The following MTA1 variants were observed in gnomAD, a reference collection of about 807,000 sequenced individuals.
MTA1 encodes the protein metastasis-associated protein MTA1.
MTA1 carries 15 observed loss-of-function variants against 97.0 expected under a neutral mutation model. The observed-to-expected ratio is 0.15, with a 90% CI of 0.10 to 0.24. MTA1 has a LOEUF of 0.24. Among genes scored for constraint, MTA1 ranks in the 10% least tolerant of loss-of-function variants. MTA1 has a pLI of 1.00. For missense variants in MTA1, 709 were observed against 1,015.1 expected (o/e 0.70, Z 4.10); for synonymous variants, 435 against 417.5 (o/e 1.04, Z -0.51).
chr14:105,446,041 C>T (rs1339309285), intron 3 of MTA1, among the ~76,000 whole-genome samples: 1 of 152,190 alleles, frequency 6.6e-6, no homozygotes, highest in African/African-American at 2.4e-5. Context: ...GAGGAAGCCA[C>T]TGGCTGCATG....
chr14:105,438,556 C>T, intron 1 of MTA1, 116 bp from the exon 2 acceptor site: 2 of 853,962 alleles, frequency 2.3e-6, no homozygotes, highest in Non-Finnish European at 3.9e-6. Context: ...CCTGAGGGAG[C>T]AGAGGTGAGG....
Position 105,466,731 on chromosome 14 carries a change from T to C in MTA1, c.1802T>C (p.Met601Thr). The C allele has an allele frequency of 6.3e-7, 1 of 1,594,586 alleles. No homozygotes were observed. The highest frequency in any genetic ancestry group is 1.1e-5 in the South Asian group (1 of 88,014). Reference sequence around the variant, plus strand: ...GGCAACATGAAGAAGCGCCTCTTGATGCCCAGTAGGGGTAAGGCCTGGAGC... The same window carrying C: ...GGCAACATGAAGAAGCGCCTCTTGACGCCCAGTAGGGGTAAGGCCTGGAGC... ...VDGNMKKRLLMPSRGLANHGQ... is the reference protein window; with the variant it reads ...VDGNMKKRLLTPSRGLANHGQ... The change falls in exon 18 of 21, where the codon ATG becomes ACG. Residue 601 changes from methionine (M) to threonine (T), a missense_variant. Met to Thr is a moderately conservative substitution (Grantham distance 81). Transcript: ENST00000331320.
Position 105,470,429 on chromosome 14 carries a change from G to GTT in MTA1, c.*216_*217dup, listed in dbSNP as rs2083794074. 1 of 494,354 alleles carries GTT rather than the reference G, an allele frequency of 2.0e-6. No homozygotes were observed. The highest frequency in any genetic ancestry group is 4.0e-5 in the East Asian group (1 of 24,880). 30.6% of individuals were successfully genotyped at this position (494,354 alleles called of 1,614,324 possible). A position where few individuals can be genotyped will look rare whatever the true frequency, so the allele number is the denominator to read the frequency against. On this transcript the variant is annotated 3_prime_UTR_variant, in exon 21 of 21. Coordinates refer to ENST00000331320, the MANE Select transcript of MTA1 (RefSeq NM_004689.4). ...GAGGAGTTGTCGTTTTTAGCTTTGT[G>GTT]TTTACTTTTTGGCTGGAGCGGAGAT...
In MTA1 at chr14:105,420,363, CG is replaced by C. The variant is rs1225191410; in HGVS notation, c.28+305del. Among the ~76,000 whole-genome samples, 1 of 151,618 alleles carries C rather than the reference CG, an allele frequency of 6.6e-6. No individual in the cohort carries two copies. Among genetic ancestry groups the C allele is most frequent in the Non-Finnish European group, 1.5e-5 (1 of 67,818 alleles). On this transcript the variant is annotated intron_variant, in intron 1 of 20. Transcript: ENST00000331320. This position sits in a 1 kb window ranked among gnomAD's most constrained non-coding sequence, Gnocchi z 5.3. ...GGGGGCGCGGGGCCTGCGGGACATC[CG>C]GGGGTCCGGGGCCGGGAGCCCCCAG...
chr14:105,451,785 T>C (rs1555428763), intron 6 of MTA1, among the ~76,000 whole-genome samples: 4 of 23,506 alleles, frequency 1.7e-4, no homozygotes, highest in Admixed American at 8.4e-4. Context: ...CTTTTTTTGT[T>C]TTTTTTTTTT....
intron 2 of MTA1, among the ~76,000 whole-genome samples, chr14:105,442,050 A>C (rs1349788253): frequency 2.6e-5 from 4 of 152,226 alleles, no homozygotes; most frequent in African/African-American, 4.8e-5. Context: ...GAGAGAAAAA[A>C]ATCAGACATC....
In MTA1 at chr14:105,464,820, G is replaced by T; in HGVS notation, c.1491G>T (p.Arg497=). The T allele has an allele frequency of 1.9e-6, 3 of 1,598,880 alleles. No homozygotes were observed. The highest frequency in any genetic ancestry group is 1.7e-6 in the Non-Finnish European group (2 of 1,170,002). ...REILRPWHAA[R]HPYLPINSAA... ...TCCTGCGCCCGTGGCACGCTGCGCG[G>T]CACCCCTACCTGCCCATCAACAGCG... The change falls in exon 15 of 21, where the codon CGG becomes CGT. Residue 497 remains arginine, a synonymous_variant. Transcript: ENST00000331320.
At chr14:105,449,943 A>G in intron 4 of MTA1, 115 bp from the exon 5 acceptor site, 1 of 1,434,568 alleles carries the variant, frequency 7.0e-7, no homozygotes, top group Non-Finnish European at 9.6e-7. Context: ...AGGAGGAGGC[A>G]CGCCTCCCAG....
At chr14:105,439,570 G>C (rs2082440605) in intron 2 of MTA1, among the ~76,000 whole-genome samples, 2 of 152,160 alleles carry the variant, frequency 1.3e-5, no homozygotes, top group Non-Finnish European at 1.5e-5. Context: ...GTGGTGGGTG[G>C]GTCCCCCAGC....
intron 10 of MTA1, 99 bp downstream of exon 10, chr14:105,461,052 G>A: frequency 3.2e-6 from 4 of 1,264,556 alleles, no homozygotes; most frequent in Non-Finnish European, 4.4e-6. Context: ...CCCTGAGGGA[G>A]CCTGTCCTGC....
At chr14:105,427,597 T>C (rs960069691) in intron 1 of MTA1, among the ~76,000 whole-genome samples, 2 of 152,224 alleles carry the variant, frequency 1.3e-5, no homozygotes, top group African/African-American at 2.4e-5. Context: ...CAGAGGCTCG[T>C]AGGAACCTGA....
intron 1 of MTA1, among the ~76,000 whole-genome samples, chr14:105,437,234 GGC>G (rs1555424566): frequency 6.6e-6 from 1 of 151,130 alleles, no homozygotes; most frequent in Non-Finnish European, 1.5e-5. Flanking sequence ...TGTCCTCACG[GGC>G]GTGTGCCTGC....
chr14:105,436,675 A>G (rs2082334148), intron 1 of MTA1, among the ~76,000 whole-genome samples: 2 of 152,100 alleles, frequency 1.3e-5, no homozygotes, highest in African/African-American at 4.8e-5. Flanking sequence ...TCTTCCATCA[A>G]GTGGATGGAC....
At chr14:105,466,919 AC>A in intron 18 of MTA1, 177 bp downstream of exon 18, 7 of 656,690 alleles carry the variant, frequency 1.1e-5, no homozygotes, top group South Asian at 2.0e-5. Flanking sequence ...CTTGGTGAAG[AC>A]CCCCCGAGCC....
intron 7 of MTA1, among the ~76,000 whole-genome samples, chr14:105,455,307 G>A (rs2083100890): frequency 6.6e-6 from 1 of 152,208 alleles, no homozygotes; most frequent in Non-Finnish European, 1.5e-5. Flanking sequence ...AGGCCTGCTG[G>A]GGCCGTGGAG....
chr14:105,464,795 T>C lies in MTA1; in HGVS notation c.1466T>C (p.Ile489Thr). ...TRIARRLCRE[I>T]LRPWHAARHP... ...ATCGCCCGGCGCCTGTGCCGTGAGATCCTGCGCCCGTGGCACGCTGCGCGG... is the reference window on the plus strand; with the variant it reads ...ATCGCCCGGCGCCTGTGCCGTGAGACCCTGCGCCCGTGGCACGCTGCGCGG... The change falls in exon 15 of 21, where the codon ATC becomes ACC. Residue 489 changes from isoleucine (I) to threonine (T), a missense_variant. Transcript: ENST00000331320. 1 of 1,605,544 alleles carries C rather than the reference T, an allele frequency of 6.2e-7. No homozygotes were observed. The highest frequency in any genetic ancestry group is 8.5e-7 in the Non-Finnish European group (1 of 1,174,312).
In MTA1 at chr14:105,438,754, T is replaced by A. The variant is rs781956225; in HGVS notation, c.96+15T>A. 3.8e-6 allele frequency: 6 copies of A among 1,568,292 alleles called. No individual in the cohort carries two copies. Among genetic ancestry groups the A allele is most frequent in the Admixed American group, 3.4e-5 (2 of 59,082 alleles). ...AGCTCAACAAGGTACTGGGGGGCCC[T>A]GGTGTTGCTGCAGGGGGGTAGTGGG... On this transcript the variant is annotated intron_variant, in intron 2 of 20. Transcript: ENST00000331320.
chr14:105,444,992 C>T lies in MTA1; in HGVS notation c.97-426C>T, dbSNP rs141325923. ...GCCAGGTGGGAGGGCTGGTCCCATG[C>T]GGGGGGTCCAGGCTGCGTCCGCCGC... On this transcript the variant is annotated intron_variant, in intron 2 of 20. Transcript: ENST00000331320. Among the ~76,000 whole-genome samples, 726 of 152,248 alleles carry T rather than the reference C, an allele frequency of 4.8e-3. 10 individuals are homozygous for T. The highest frequency in any genetic ancestry group is 0.017 in the African/African-American group (697 of 41,560).
chr14:105,440,721 G>A (rs970038870), intron 2 of MTA1, among the ~76,000 whole-genome samples: 9 of 152,258 alleles, frequency 5.9e-5, no homozygotes, highest in South Asian at 2.1e-4. Flanking sequence ...TGAGGGGCAC[G>A]ACTACTCTCT....
Sources: allele counts gnomAD v4.1 joint callset (sites outside exome capture counted in the v4.1 genomes callset), GRCh38; gene constraint gnomAD v4.1.1; non-coding constraint Gnocchi (gnomAD v3.1); transcripts MANE v1.5; gene names NCBI Gene and HGNC (gene_info 2026-07-23, HGNC 2026-07-21).